The following SH3RF1 variants were observed in gnomAD, a reference collection of about 807,000 sequenced individuals.
SH3RF1 encodes SH3 domain containing ring finger 1.
A neutral mutation model predicts 74.0 loss-of-function variants in SH3RF1; 32 were observed. That is an observed-to-expected ratio of 0.43 (90% CI 0.33 to 0.58). SH3RF1 has a LOEUF of 0.58. Among genes scored for constraint, SH3RF1 ranks in the 20% least tolerant of loss-of-function variants. The pLI, the probability that SH3RF1 is intolerant of heterozygous loss-of-function variation, is 0.05. For missense variants in SH3RF1, 954 were observed against 1,130.9 expected, an observed-to-expected ratio of 0.84 and a Z score of 2.24; for synonymous variants, 396 against 439.6, an observed-to-expected ratio of 0.90 and a Z score of 1.24.
chr4:169,269,426 G>A, intron 1 of SH3RF1, 119 bp from the exon 2 acceptor site: 1 of 512,104 alleles, frequency 2.0e-6, no homozygotes, highest in Non-Finnish European at 3.4e-6. Context: ...TCTGAATAGT[G>A]TAGCTTTGCT....
intron 2 of SH3RF1, among the ~76,000 whole-genome samples, chr4:169,219,544 T>G (rs1425088747): frequency 1.3e-5 from 2 of 152,192 alleles, no homozygotes; most frequent in Non-Finnish European, 2.9e-5. Flanking sequence ...CCAAAACTAA[T>G]GTACTCTCCT....
intron 5 of SH3RF1, 23 bp downstream of exon 5, chr4:169,136,294 TA>T: frequency 7.2e-7 from 1 of 1,388,856 alleles, no homozygotes; most frequent in Non-Finnish European, 9.4e-7. Context: ...GCTCTTTTTA[TA>T]TAACACTTGT....
chr4:169,094,750 C>A lies in SH3RF1; in HGVS notation c.*1769G>T, dbSNP rs1469754395. 2 of 147,608 alleles carry A rather than the reference C, an allele frequency of 1.4e-5. No individual in the cohort carries two copies. Among genetic ancestry groups the A allele is most frequent in the South Asian group, 2.1e-4 (1 of 4,684 alleles). 9.1% of individuals were successfully genotyped at this position (147,608 alleles called of 1,614,324 possible). A position where few individuals can be genotyped will look rare whatever the true frequency, so the allele number is the denominator to read the frequency against. On this transcript the variant is annotated 3_prime_UTR_variant, in exon 12 of 12. Transcript: ENST00000284637. ...AAGTAAAGTATTTTTTTTTTAAATT[C>A]AACACACAGGAACATAATATACATT...
intron 2 of SH3RF1, among the ~76,000 whole-genome samples, chr4:169,229,242 T>A (rs1038432406): frequency 2.0e-5 from 3 of 152,192 alleles, no homozygotes; most frequent in African/African-American, 7.2e-5. Flanking sequence ...CCTAGAATAA[T>A]TAACATTTGA....
intron 2 of SH3RF1, among the ~76,000 whole-genome samples, chr4:169,254,999 G>A (rs1421818414): frequency 6.6e-6 from 1 of 152,156 alleles, no homozygotes; most frequent in Admixed American, 6.5e-5. Flanking sequence ...ATTAAGGATG[G>A]GATGAAAGGA....
In SH3RF1 at chr4:169,095,179, CAGG is replaced by C. The variant is rs958792506; in HGVS notation, c.*1337_*1339del. 2 of 152,632 alleles carry C rather than the reference CAGG, an allele frequency of 1.3e-5. No homozygotes were observed. Among genetic ancestry groups the C allele is most frequent in the African/African-American group, 4.8e-5 (2 of 41,452 alleles). The allele number at this position is 152,632 out of a possible 1,614,324, so 9.5% of individuals were successfully genotyped here. A position where few individuals can be genotyped will look rare whatever the true frequency, so the allele number is the denominator to read the frequency against. On this transcript the variant is annotated 3_prime_UTR_variant, in exon 12 of 12. Coordinates refer to ENST00000284637, the MANE Select transcript of SH3RF1 (RefSeq NM_020870.4). ...CAAGCCTTCCAGAGCTCCACAGTCA[CAGG>C]AGTAGTCTCCTGGTTAACTCATCCT... is the stretch of plus-strand genomic sequence containing the variant.
At chr4:169,238,701 C>T (rs1730856467) in intron 2 of SH3RF1, among the ~76,000 whole-genome samples, 1 of 152,164 alleles carries the variant, frequency 6.6e-6, no homozygotes, top group African/African-American at 2.4e-5. Flanking sequence ...GGTCTAACTG[C>T]TAAATACAAA....
intron 2 of SH3RF1, among the ~76,000 whole-genome samples, chr4:169,218,363 T>C (rs558886125): frequency 7.1e-6 from 1 of 141,514 alleles, no homozygotes. Flanking sequence ...ATATATTATA[T>C]AATATATAGA....
At chr4:169,222,237 G>A (rs1372665575) in intron 2 of SH3RF1, among the ~76,000 whole-genome samples, 2 of 152,186 alleles carry the variant, frequency 1.3e-5, no homozygotes, top group Non-Finnish European at 2.9e-5. Flanking sequence ...GCCGAGGCAG[G>A]TAGATCACTT....
At chr4:169,237,374 C>T (rs906472029) in intron 2 of SH3RF1, among the ~76,000 whole-genome samples, 3 of 152,216 alleles carry the variant, frequency 2.0e-5, no homozygotes, top group South Asian at 4.1e-4. Context: ...GACACGATGG[C>T]TCATGCCTGT....
At chr4:169,261,604 CAAA>C (rs377229920) in intron 2 of SH3RF1, among the ~76,000 whole-genome samples, 3 of 110,474 alleles carry the variant, frequency 2.7e-5, no homozygotes, top group Admixed American at 9.3e-5. Flanking sequence ...GAGACCATCT[CAAA>C]AAAAAAAAAA....
intron 2 of SH3RF1, among the ~76,000 whole-genome samples, chr4:169,262,728 G>T (rs1731299252): frequency 6.6e-6 from 1 of 152,136 alleles, no homozygotes; most frequent in Admixed American, 6.5e-5. Flanking sequence ...AGGTTTACAT[G>T]ATTATGGTTA....
intron 2 of SH3RF1, among the ~76,000 whole-genome samples, chr4:169,167,912 G>A (rs1734272845): frequency 6.6e-6 from 1 of 152,140 alleles, no homozygotes; most frequent in Admixed American, 6.5e-5. Flanking sequence ...CAAGGTGGTA[G>A]GATATCTTGA....
intron 5 of SH3RF1, among the ~76,000 whole-genome samples, chr4:169,131,672 A>C (rs1222761073): frequency 6.6e-6 from 1 of 152,214 alleles, no homozygotes; most frequent in African/African-American, 2.4e-5. Flanking sequence ...AAATGGACCA[A>C]AGGCAACTTT....
At chr4:169,129,967 G>T in intron 6 of SH3RF1, 79 bp downstream of exon 6, 2 of 1,041,130 alleles carry the variant, frequency 1.9e-6, no homozygotes, top group Non-Finnish European at 2.9e-6. Flanking sequence ...TACGCTGCAG[G>T]TGTTAGGAGG....
chr4:169,136,952 C>T (rs536892268), intron 4 of SH3RF1, among the ~76,000 whole-genome samples: 13 of 152,240 alleles, frequency 8.5e-5, no homozygotes, highest in Admixed American at 5.2e-4. Context: ...TGTGAAATTT[C>T]GAGAAGAGCA....
chr4:169,125,157 G>A (rs1157840686), intron 6 of SH3RF1, among the ~76,000 whole-genome samples: 1 of 152,180 alleles, frequency 6.6e-6, no homozygotes, highest in Non-Finnish European at 1.5e-5. Flanking sequence ...GATCTTGAAA[G>A]AAGAGACAGT....
chr4:169,197,462 C>T (rs1457124295), intron 2 of SH3RF1, among the ~76,000 whole-genome samples: 2 of 151,908 alleles, frequency 1.3e-5, no homozygotes, highest in African/African-American at 4.8e-5. Flanking sequence ...CCCGTCTCTA[C>T]TAAAAACACA....
intron 2 of SH3RF1, among the ~76,000 whole-genome samples, chr4:169,161,534 C>T (rs181354678): frequency 2.4e-4 from 36 of 152,294 alleles, no homozygotes; most frequent in African/African-American, 7.7e-4. Flanking sequence ...GTAAATAAAA[C>T]ATTCACTGCC....
Sources: allele counts gnomAD v4.1 joint callset (sites outside exome capture counted in the v4.1 genomes callset), GRCh38; gene constraint gnomAD v4.1.1; transcripts MANE v1.5; gene names NCBI Gene and HGNC (gene_info 2026-07-23, HGNC 2026-07-21).